ITPR3: variants seen among roughly 807,000 people sequenced by gnomAD.
ITPR3 encodes the protein inositol 1,4,5-trisphosphate receptor type 3.
Under a neutral mutation model 293.2 loss-of-function variants are expected in ITPR3, and 173 were observed. The observed-to-expected ratio is 0.59, with a 90% CI of 0.52 to 0.67. ITPR3 has a LOEUF of 0.67. Among genes scored for constraint, ITPR3 ranks in the 30% least tolerant of loss-of-function variants. The pLI is 0.00. For missense variants in ITPR3, 2,796 were observed against 3,592.1 expected (o/e 0.78, Z 5.66); for synonymous variants, 1,295 against 1,444.4 (o/e 0.90, Z 2.35).
At position 33,672,056 on chromosome 6, in the gene ITPR3, G is replaced by T; in HGVS notation, c.2756G>T (p.Gly919Val). ...GGKNVRRSIQ[G>V]VGHMMSTMVL... ...AAGAATGTGCGGCGGTCCATCCAGG[G>T]CGTGGGGCACATGATGTCCACCATG... is the stretch of plus-strand genomic sequence containing the variant. The change falls in exon 22 of 58, where the codon GGC (glycine) becomes GTC (valine). Residue 919 changes from glycine (G) to valine (V), a missense_variant. Physicochemically the swap from Gly to Val is moderately radical, Grantham distance 109. Around this residue, in one of 8 missense-constraint regions of ITPR3, gnomAD observed 955 missense variants for 1,180.8 expected, o/e 0.81. Transcript: ENST00000605930. The surrounding 1 kb of genome is among the most constrained non-coding windows in gnomAD (Gnocchi z 5.0). 1 of 1,611,626 alleles carries T rather than the reference G, an allele frequency of 6.2e-7. No individual in the cohort carries two copies. The highest frequency in any genetic ancestry group is 1.3e-5 in the African/African-American group (1 of 74,988).
Position 33,679,987 on chromosome 6 carries a change from A to G in ITPR3, c.4078A>G (p.Ser1360Gly). 1 of 1,613,920 alleles carries G rather than the reference A, an allele frequency of 6.2e-7. No homozygotes were observed. The highest frequency in any genetic ancestry group is 8.5e-7 in the Non-Finnish European group (1 of 1,180,038). Residue 1360 changes from serine (S) to glycine (G), a missense_variant, in exon 31 of 58, where the codon AGC becomes GGC. By Grantham distance (56) the Ser-to-Gly change is moderately conservative. Coordinates refer to ENST00000605930, the MANE Select transcript of ITPR3 (RefSeq NM_002224.4). This position sits in a 1 kb window ranked among gnomAD's most constrained non-coding sequence, Gnocchi z 4.2. ...CGCCCGCGACGGCGTGGAGGACCACAGCCCCCTCATGTACCACATTTCCCT... is the reference window on the plus strand; with the variant it reads ...CGCCCGCGACGGCGTGGAGGACCACGGCCCCCTCATGTACCACATTTCCCT... ...KAARDGVEDH[S>G]PLMYHISLVD...
chr6:33,648,539 T>A (rs1764119364), intron 2 of ITPR3, among the ~76,000 whole-genome samples: 1 of 98,502 alleles, frequency 1.0e-5, no homozygotes, highest in Non-Finnish European at 2.5e-5. Flanking sequence ...CAGTTACCCT[T>A]TTTTTTTCTT....
In ITPR3 at chr6:33,662,169, A is replaced by T. The variant is rs563837932; in HGVS notation, c.712-359A>T. On this transcript the variant is annotated intron_variant, in intron 7 of 57. Transcript: ENST00000605930. ...GAGGGGCAGCCATGGCCCCGGGGAC[A>T]CTGAGGGGGTAAGGTCCCCCTCCTT... is the stretch of plus-strand genomic sequence containing the variant. Among the ~76,000 whole-genome samples, 6 of 152,042 alleles carry T rather than the reference A, an allele frequency of 3.9e-5. No individual in the cohort carries two copies. In the South Asian group the frequency reaches 1.3e-3, roughly 32 times the overall value.
rs1764885843 is a variant in ITPR3, at chr6:33,675,664, A to T, written c.3117-27A>T. The T allele has an allele frequency of 6.4e-6, 10 of 1,568,426 alleles. No homozygotes were observed. Among genetic ancestry groups the T allele is most frequent in the Non-Finnish European group, 8.7e-6 (10 of 1,154,030 alleles). ...AGCAGGGAGTGTGCCAGTCTCACCC[A>T]TGCGCCCTGCACCCTTGTGCCCGCA... On this transcript the variant is annotated intron_variant, in intron 24 of 57. Transcript: ENST00000605930. This position sits in a 1 kb window ranked among gnomAD's most constrained non-coding sequence, Gnocchi z 5.0.
chr6:33,690,296 C>T (rs1415575728), intron 51 of ITPR3, 98 bp downstream of exon 51: 1 of 1,169,928 alleles, frequency 8.5e-7, no homozygotes, highest in Non-Finnish European at 1.2e-6. Context: ...TCTGTCTGTC[C>T]AGTCCTTTTG....
rs754720819 is a variant in ITPR3 at position 33,691,905 on chromosome 6, A to G, written c.7435A>G (p.Ile2479Val). The change falls in exon 54 of 58, where the codon ATT becomes GTT. Residue 2479 changes from isoleucine to valine, a missense_variant. Physicochemically the swap from Ile to Val is conservative, Grantham distance 29 (BLOSUM62 3). Transcript: ENST00000605930. This position sits in a 1 kb window ranked among gnomAD's most constrained non-coding sequence, Gnocchi z 4.9. ...GLRNGGGVGD[I>V]LRKPSKDESL... ...ACGCAACGGTGGTGGCGTGGGCGAC[A>G]TTCTCCGCAAGCCCTCCAAAGATGT... 2 of 1,614,068 alleles carry G rather than the reference A, an allele frequency of 1.2e-6. No individual in the cohort carries two copies. Among genetic ancestry groups the G allele is most frequent in the South Asian group, 1.1e-5 (1 of 91,080 alleles).
chr6:33,683,463 T>C lies in ITPR3; in HGVS notation c.4788+66T>C. The stretch of plus-strand genomic sequence containing the variant: ...TGGTTGAGTCAGCAGCTCCCCTACT[T>C]TGGAGGGGCAAGTTCTCGGGGAGTG... On this transcript the variant is annotated intron_variant, in intron 35 of 57. Transcript: ENST00000605930. This position sits in a 1 kb window ranked among gnomAD's most constrained non-coding sequence, Gnocchi z 4.5. 2 of 1,289,992 alleles carry C rather than the reference T, an allele frequency of 1.6e-6. No individual in the cohort carries two copies. The allele number at this position is 1,289,992 out of a possible 1,614,324, so 79.9% of individuals were successfully genotyped here.
At chr6:33,677,336 TG>T (rs1764933521) in intron 27 of ITPR3, among the ~76,000 whole-genome samples, 167 bp from the exon 28 acceptor site, 1 of 152,152 alleles carries the variant, frequency 6.6e-6, no homozygotes, top group Non-Finnish European at 1.5e-5. Flanking sequence ...TGGGTGGAAT[TG>T]GTTTTTTTAG....
intron 2 of ITPR3, among the ~76,000 whole-genome samples, chr6:33,644,047 G>T (rs750520904): frequency 2.0e-5 from 3 of 152,104 alleles, no homozygotes; most frequent in Non-Finnish European, 2.9e-5. Flanking sequence ...AAAATTAGCC[G>T]GGCATGGTGG....
At chr6:33,688,484 CCT>C in intron 48 of ITPR3, 53 bp downstream of exon 48, 5 of 1,502,456 alleles carry the variant, frequency 3.3e-6, no homozygotes, top group Admixed American at 2.0e-5. Flanking sequence ...TCACTGATGC[CCT>C]GTTATAACGG....
chr6:33,663,575 T>C (rs201398464), intron 10 of ITPR3, 25 bp downstream of exon 10: 1 of 1,602,102 alleles, frequency 6.2e-7, no homozygotes, highest in Admixed American at 1.7e-5. Context: ...AGGTCTCCAG[T>C]GAGACCATGG....
chr6:33,688,910 C>A, intron 49 of ITPR3, 129 bp downstream of exon 49: 1 of 1,270,688 alleles, frequency 7.9e-7, no homozygotes, highest in Non-Finnish European at 1.1e-6. Flanking sequence ...GCACCCCCTG[C>A]GCCATCCTGT....
chr6:33,660,068 C>T (rs1025106995), intron 7 of ITPR3, among the ~76,000 whole-genome samples: 11 of 152,108 alleles, frequency 7.2e-5, no homozygotes, highest in African/African-American at 2.2e-4. Flanking sequence ...CGGGAGGATC[C>T]AGGACTGAGG....
intron 56 of ITPR3, 57 bp downstream of exon 56, chr6:33,693,762 CA>C: frequency 6.3e-7 from 1 of 1,583,522 alleles, no homozygotes; most frequent in Non-Finnish European, 8.6e-7. Flanking sequence ...CTAGAGTCAT[CA>C]CTGTGCACCA....
In ITPR3 at chr6:33,621,408, T is replaced by A. The variant is rs932960304; in HGVS notation, c.-195T>A. The A allele has an allele frequency of 5.1e-6, 2 of 389,458 alleles. No homozygotes were observed. The highest frequency in any genetic ancestry group is 4.4e-5 in the African/African-American group (2 of 45,970). The allele number at this position is 389,458 out of a possible 1,614,324, so 24.1% of individuals were successfully genotyped here. ...GGCGCGCCAAGACGTGGGCACCTCCTCACCCGGACCCCGGGCCCCGCCGAG... is the reference window on the plus strand; with the variant it reads ...GGCGCGCCAAGACGTGGGCACCTCCACACCCGGACCCCGGGCCCCGCCGAG... On this transcript the variant is annotated 5_prime_UTR_variant, in exon 1 of 58. Transcript: ENST00000605930. The surrounding 1 kb of genome is among the most constrained non-coding windows in gnomAD (Gnocchi z 7.7).
chr6:33,659,547 G>C lies in ITPR3; in HGVS notation c.709G>C (p.Gly237Arg). 1 of 1,613,710 alleles carries C rather than the reference G, an allele frequency of 6.2e-7. No homozygotes were observed. Among genetic ancestry groups the C allele is most frequent in the South Asian group, 1.1e-5 (1 of 91,060 alleles). ...FRDHLEEVLK[G>R]GDVVRLFHAE... ...GGACCACCTGGAGGAGGTGTTGAAAGGGGTAAGGACTGGGAACCCCTGCCC... is the reference window on the plus strand; with the variant it reads ...GGACCACCTGGAGGAGGTGTTGAAACGGGTAAGGACTGGGAACCCCTGCCC... The change falls in exon 7 of 58, where the codon GGG (glycine) becomes CGG (arginine). Residue 237 changes from glycine to arginine, a missense_variant and splice_region_variant. Gly to Arg is a moderately radical substitution (Grantham distance 125). This residue lies in a region of ITPR3 where 144 missense variants were observed against 230.8 expected (regional missense o/e 0.62). Transcript: ENST00000605930.
At chr6:33,653,559 T>C (rs886511619) in intron 2 of ITPR3, among the ~76,000 whole-genome samples, 4 of 151,268 alleles carry the variant, frequency 2.6e-5, no homozygotes, top group African/African-American at 7.3e-5. Flanking sequence ...TATATTGGAG[T>C]TGCATTCCTG....
rs1031184380 is a variant in ITPR3 at position 33,664,187 on chromosome 6, C to T, written c.1148+307C>T. Among the ~76,000 whole-genome samples, 2 of 152,204 alleles carry T rather than the reference C, an allele frequency of 1.3e-5. No homozygotes were observed. Among genetic ancestry groups the T allele is most frequent in the Admixed American group, 6.5e-5 (1 of 15,290 alleles). ...AAACACTGGATGGGAAGGCCAGACTCTCTGGCCTTTGAGGTCCCGCCAACC... is the reference window on the plus strand; with the variant it reads ...AAACACTGGATGGGAAGGCCAGACTTTCTGGCCTTTGAGGTCCCGCCAACC... On this transcript the variant is annotated intron_variant, in intron 11 of 57. Coordinates refer to ENST00000605930, the MANE Select transcript of ITPR3 (RefSeq NM_002224.4). This position sits in a 1 kb window ranked among gnomAD's most constrained non-coding sequence, Gnocchi z 4.4.
chr6:33,656,139 A>C (rs945883657), intron 3 of ITPR3, among the ~76,000 whole-genome samples: 1 of 152,180 alleles, frequency 6.6e-6, no homozygotes, highest in Non-Finnish European at 1.5e-5. Context: ...ACAAAAAATT[A>C]ATAAAAAATA....
Sources: allele counts gnomAD v4.1 joint callset (sites outside exome capture counted in the v4.1 genomes callset), GRCh38; gene constraint gnomAD v4.1.1; regional missense constraint gnomAD v4.1.1; non-coding constraint Gnocchi (gnomAD v3.1); transcripts MANE v1.5; gene names NCBI Gene and HGNC (gene_info 2026-07-23, HGNC 2026-07-21).